The following SEMA3A variants were observed in gnomAD, a reference collection of about 807,000 sequenced individuals.
The protein encoded by SEMA3A is semaphorin 3A.
In SEMA3A, 29 loss-of-function variants were observed where a neutral mutation model predicts 97.9. The ratio of observed to expected loss-of-function variants is 0.30; its 90% CI spans 0.22 to 0.40. The LOEUF is 0.40. Among genes scored for constraint, SEMA3A ranks in the 10% least tolerant of loss-of-function variants. SEMA3A has a pLI of 1.00. For missense variants in SEMA3A, 763 were observed against 951.3 expected, an observed-to-expected ratio of 0.80 and a Z score of 2.60; for synonymous variants, 321 against 323.7, an observed-to-expected ratio of 0.99 and a Z score of 0.09.
chr7:84,399,173 C>G (rs571894303), intron 1 of SEMA3A, among the ~76,000 whole-genome samples: 1 of 152,068 alleles, frequency 6.6e-6, no homozygotes, highest in African/African-American at 2.4e-5. Context: ...TCAGTGCCAC[C>G]CTGTCACTAT....
At position 84,064,722 on chromosome 7, in the gene SEMA3A, A is replaced by G. The variant is rs1364970995; in HGVS notation, c.454-4164T>C. 2.1e-3 allele frequency among the ~76,000 whole-genome samples: 310 copies of G among 150,896 alleles called. 1 individual carries two copies. Among genetic ancestry groups the G allele is most frequent in the African/African-American group, 7.1e-3 (292 of 40,884 alleles). ...ATCAATTCAACAAGAAGAGCTAACT[A>G]TCCTAAATATATATGCACCCAATAC... On this transcript the variant is annotated intron_variant, in intron 4 of 16. Transcript: ENST00000265362.
At chr7:84,429,547 T>TATATATATATATATATATATAGAG (rs1443588588) in intron 1 of SEMA3A, among the ~76,000 whole-genome samples, 1 of 115,948 alleles carries the variant, frequency 8.6e-6, no homozygotes, top group Non-Finnish European at 1.7e-5. Flanking sequence ...TATATATATA[T>TATATATATATATATATATATAGAG]AGCGAGAGAG....
chr7:84,384,063 C>T (rs759933268), intron 1 of SEMA3A, among the ~76,000 whole-genome samples: 6 of 152,196 alleles, frequency 3.9e-5, no homozygotes, highest in African/African-American at 9.6e-5. Context: ...TTCTAGGACA[C>T]GACTGTCTCA....
intron 3 of SEMA3A, among the ~76,000 whole-genome samples, chr7:84,246,056 G>C (rs768334813): frequency 1.3e-5 from 2 of 152,182 alleles, no homozygotes; most frequent in Non-Finnish European, 2.9e-5. Context: ...CCCTGCCCGG[G>C]GTGGGAGGAA....
intron 2 of SEMA3A, among the ~76,000 whole-genome samples, chr7:84,327,959 C>A (rs923092806): frequency 3.3e-5 from 5 of 151,926 alleles, no homozygotes; most frequent in African/African-American, 9.7e-5. Flanking sequence ...ATTCTCCACA[C>A]AATTAATCAA....
chr7:84,263,613 G>A (rs764619054), intron 3 of SEMA3A, among the ~76,000 whole-genome samples: 11 of 152,136 alleles, frequency 7.2e-5, no homozygotes, highest in Non-Finnish European at 1.3e-4. Context: ...TGCCATATAA[G>A]CATTTGCTAT....
At chr7:84,257,740 T>C (rs1241070139) in intron 3 of SEMA3A, among the ~76,000 whole-genome samples, 2 of 152,146 alleles carry the variant, frequency 1.3e-5, no homozygotes, top group East Asian at 3.9e-4. Flanking sequence ...GAATGAAATT[T>C]CATAAAGACA....
intron 1 of SEMA3A, among the ~76,000 whole-genome samples, chr7:84,427,649 C>CAAA (rs55872394): frequency 0.094 from 6,750 of 71,922 alleles, 1,195 homozygotes; most frequent in African/African-American, 0.25. Context: ...GATTCTGTCT[C>CAAA]AAAAAAAAAA....
chr7:84,302,464 A>T (rs1042480262), intron 3 of SEMA3A, among the ~76,000 whole-genome samples: 1 of 152,152 alleles, frequency 6.6e-6, no homozygotes, highest in Non-Finnish European at 1.5e-5. Flanking sequence ...CTTTTTATGC[A>T]GAGTGTTTTG....
intron 2 of SEMA3A, among the ~76,000 whole-genome samples, chr7:84,130,429 A>G (rs1795929391): frequency 6.6e-6 from 1 of 152,158 alleles, no homozygotes; most frequent in African/African-American, 2.4e-5. Context: ...TACCCTAAAA[A>G]TTATTGGATA....
chr7:84,217,717 T>G (rs1223713933), intron 3 of SEMA3A, among the ~76,000 whole-genome samples: 1 of 151,802 alleles, frequency 6.6e-6, no homozygotes, highest in Non-Finnish European at 1.5e-5. Flanking sequence ...ACTATGATCC[T>G]GCCAGGGCAC....
intron 3 of SEMA3A, among the ~76,000 whole-genome samples, chr7:84,211,198 C>T (rs1034483347): frequency 6.6e-6 from 1 of 152,102 alleles, no homozygotes; most frequent in African/African-American, 2.4e-5. Flanking sequence ...GATGACTAAA[C>T]CCCAAATCAT....
upstream of SEMA3A, among the ~76,000 whole-genome samples, chr7:84,195,693 T>A (rs1372265847): frequency 6.6e-6 from 1 of 152,108 alleles, no homozygotes; most frequent in Non-Finnish European, 1.5e-5. Context: ...TTTAAAAACG[T>A]CTATGGTTTT....
intron 3 of SEMA3A, among the ~76,000 whole-genome samples, chr7:84,282,193 A>G (rs1800454977): frequency 1.3e-5 from 2 of 152,148 alleles, no homozygotes; most frequent in African/African-American, 4.8e-5. Context: ...CAGTAAATTC[A>G]TGATTTTTAG....
chr7:84,093,924 TA>T (rs34607045), intron 4 of SEMA3A, among the ~76,000 whole-genome samples: 62,968 of 146,544 alleles, frequency 0.43, 14,869 homozygotes, highest in Admixed American at 0.53. Context: ...TCCTAGAACT[TA>T]AAAAAAAAAA....
At chr7:84,087,352 A>T (rs1794413726) in intron 4 of SEMA3A, among the ~76,000 whole-genome samples, 1 of 152,174 alleles carries the variant, frequency 6.6e-6, no homozygotes, top group South Asian at 2.1e-4. Context: ...AATTACACAA[A>T]ATAACTTAAT....
intron 2 of SEMA3A, among the ~76,000 whole-genome samples, chr7:84,354,461 T>C (rs896925925): frequency 1.3e-5 from 2 of 151,720 alleles, no homozygotes; most frequent in African/African-American, 4.8e-5. Flanking sequence ...TCCATTTCTT[T>C]TCCTATACCC....
chr7:84,128,096 G>A lies in SEMA3A; in HGVS notation c.333+1027C>T, dbSNP rs182646767. The stretch of plus-strand genomic sequence containing the variant: ...AGTCACCCACTTAATTTTCCTGACA[G>A]TTTACTTTACAAAAAATGGCCTCTA... On this transcript the variant is annotated intron_variant, in intron 3 of 16. Coordinates refer to ENST00000265362, the MANE Select transcript of SEMA3A (RefSeq NM_006080.3). 3.3e-5 allele frequency among the ~76,000 whole-genome samples: 5 copies of A among 152,196 alleles called. No individual in the cohort carries two copies. In the East Asian group the frequency reaches 9.6e-4, roughly 29 times the overall value.
At chr7:84,049,680 A>T (rs1347630124) in intron 5 of SEMA3A, among the ~76,000 whole-genome samples, 1 of 151,980 alleles carries the variant, frequency 6.6e-6, no homozygotes, top group Non-Finnish European at 1.5e-5. Flanking sequence ...TAATGAAGTT[A>T]TCAAATTATA....
Sources: gnomAD v4.1 joint callset for allele counts (sites outside exome capture counted in the v4.1 genomes callset) on GRCh38, gnomAD v4.1.1 for gene constraint, MANE v1.5 for transcripts, NCBI Gene and HGNC (gene_info 2026-07-23, HGNC 2026-07-21) for gene names.